The following RPH3A variants were observed in gnomAD, a reference collection of about 807,000 sequenced individuals.
The protein encoded by RPH3A is rabphilin 3A.
RPH3A carries 48 observed loss-of-function variants against 102.2 expected under a neutral mutation model. The ratio of observed to expected loss-of-function variants is 0.47; its 90% CI spans 0.37 to 0.60. RPH3A has a LOEUF of 0.60. Ranked by LOEUF, RPH3A falls within the 20% of genes least tolerant of loss-of-function variation. The pLI is 0.00. For synonymous variants in RPH3A, 310 were observed against 324.3 expected (o/e 0.96, Z 0.47); for missense variants, 781 against 910.1 (o/e 0.86, Z 1.83).
chr12:112,884,936 CT>C (rs1339013140), intron 16 of RPH3A, among the ~76,000 whole-genome samples: 2 of 152,074 alleles, frequency 1.3e-5, no homozygotes, highest in East Asian at 3.8e-4. Flanking sequence ...TTAATTTTGT[CT>C]GTTTTTGTAC....
At chr12:112,837,017 T>C (rs940672130) in intron 4 of RPH3A, among the ~76,000 whole-genome samples, 1 of 152,250 alleles carries the variant, frequency 6.6e-6, no homozygotes, top group African/African-American at 2.4e-5. Flanking sequence ...TCACAACTTT[T>C]GTGTTTTTAA....
chr12:112,727,503 C>G (rs1267191131), intron 1 of RPH3A, among the ~76,000 whole-genome samples: 3 of 92,276 alleles, frequency 3.3e-5, no homozygotes, highest in Non-Finnish European at 6.3e-5. Context: ...ACCCCCCCCC[C>G]CCACACACAT....
chr12:112,586,177 C>A (rs1208588441), intron 1 of RPH3A, among the ~76,000 whole-genome samples: 4 of 152,156 alleles, frequency 2.6e-5, no homozygotes, highest in Non-Finnish European at 5.9e-5. Context: ...CTGTGCTGTG[C>A]CCTCCACGCT....
rs145435444 is a variant in RPH3A, at chr12:112,889,974, A to T, written c.1564-50A>T. On this transcript the variant is annotated intron_variant, in intron 17 of 21. Coordinates refer to ENST00000389385, the MANE Select transcript of RPH3A (RefSeq NM_001143854.2). ...GGTTTCTGGTCCTTCTTGCGCAGGA[A>T]GATGAGCTCCATAGACAATGTTATC... 296 of 1,555,436 alleles carry T rather than the reference A, an allele frequency of 1.9e-4. No homozygotes were observed. The African/African-American group carries it at 3.1e-3, about 16-fold the overall frequency.
At chr12:112,734,425 G>A (rs2040654396) in intron 1 of RPH3A, among the ~76,000 whole-genome samples, 1 of 152,150 alleles carries the variant, frequency 6.6e-6, no homozygotes, top group Admixed American at 6.5e-5. Context: ...CCATCATTAC[G>A]TGACGTGTGA....
intron 1 of RPH3A, among the ~76,000 whole-genome samples, chr12:112,691,520 T>C (rs1361859580): frequency 2.0e-5 from 3 of 152,232 alleles, no homozygotes; most frequent in Non-Finnish European, 4.4e-5. Flanking sequence ...ACAGTACCCT[T>C]TTGGTGAACA....
intron 1 of RPH3A, among the ~76,000 whole-genome samples, chr12:112,630,571 C>G (rs989312517): frequency 6.6e-6 from 1 of 152,160 alleles, no homozygotes; most frequent in African/African-American, 2.4e-5. Flanking sequence ...GGCAGAGCCT[C>G]CTGGGGAAAG....
intron 1 of RPH3A, among the ~76,000 whole-genome samples, chr12:112,637,918 T>A (rs1358343835): frequency 6.6e-6 from 1 of 151,576 alleles, no homozygotes; most frequent in Non-Finnish European, 1.5e-5. Flanking sequence ...TACCATAATA[T>A]TTCCTGGGCA....
intron 2 of RPH3A, among the ~76,000 whole-genome samples, chr12:112,808,107 C>T (rs1174289954): frequency 6.6e-6 from 1 of 152,134 alleles, no homozygotes; most frequent in African/African-American, 2.4e-5. Flanking sequence ...AAACCTTACC[C>T]TCTCCCCAGA....
chr12:112,773,491 AG>A (rs1565876409), intron 1 of RPH3A, among the ~76,000 whole-genome samples: 1 of 152,156 alleles, frequency 6.6e-6, no homozygotes, highest in South Asian at 2.1e-4. Context: ...TAAAAAAATA[AG>A]TATAGGCTGA....
chr12:112,830,314 A>T (rs968664521), intron 3 of RPH3A, among the ~76,000 whole-genome samples: 1 of 152,100 alleles, frequency 6.6e-6, no homozygotes, highest in African/African-American at 2.4e-5. Flanking sequence ...ATATTTAAAA[A>T]TTTCTAGATG....
At chr12:112,771,011 TAC>T (rs2136072341) in intron 1 of RPH3A, among the ~76,000 whole-genome samples, 1 of 152,336 alleles carries the variant, frequency 6.6e-6, no homozygotes, top group Admixed American at 6.5e-5. Flanking sequence ...ATTATGCATA[TAC>T]ACACAGACAG....
intron 1 of RPH3A, among the ~76,000 whole-genome samples, chr12:112,737,716 G>A (rs2040679454): frequency 6.6e-6 from 1 of 152,130 alleles, no homozygotes; most frequent in Admixed American, 6.5e-5. Flanking sequence ...AGTACTGGGG[G>A]AAGGTGCATA....
Position 112,873,962 on chromosome 12 carries a change from C to A in RPH3A, c.797-1122C>A, listed in dbSNP as rs2042749768. The A allele has an allele frequency of 2.6e-5, 4 of 152,178 alleles. No individual in the cohort carries two copies. The South Asian group carries it at 8.3e-4, about 32-fold the overall frequency. The allele number at this position is 152,178 out of a possible 1,614,324, so 9.4% of individuals were successfully genotyped here. On this transcript the variant is annotated intron_variant, in intron 10 of 21. Transcript: ENST00000389385. ...ACCCACTGGATGCTTGTTGAATGAA[C>A]AAATGAATGAATGGACAAATGAACA...
chr12:112,757,912 A>G (rs1396090859), intron 1 of RPH3A, among the ~76,000 whole-genome samples: 5 of 152,192 alleles, frequency 3.3e-5, no homozygotes, highest in African/African-American at 1.2e-4. Flanking sequence ...CTTTCTGGCC[A>G]GAGTGAGCTA....
intron 16 of RPH3A, among the ~76,000 whole-genome samples, chr12:112,884,959 G>T (rs2042980452): frequency 6.6e-6 from 1 of 152,138 alleles, no homozygotes; most frequent in Admixed American, 6.6e-5. Flanking sequence ...TTATATAAAT[G>T]AAATTTTATT....
At chr12:112,810,879 G>T (rs369584728) in intron 2 of RPH3A, among the ~76,000 whole-genome samples, 7 of 151,842 alleles carry the variant, frequency 4.6e-5, no homozygotes, top group African/African-American at 1.5e-4. Context: ...GCATACATTT[G>T]TATATTGTAT....
chr12:112,655,563 C>CTTTTTTTTTT lies in RPH3A; in HGVS notation c.-140+80262_-140+80271dup, dbSNP rs71086113. On this transcript the variant is annotated intron_variant, in intron 1 of 21. Transcript: ENST00000543106. ...GGGCCCATCTCGAATTTTTGTTGGT[C>CTTTTTTTTTT]TTTTTTTTTTTTTTTTTTTTTTTTT... 9.0e-5 allele frequency among the ~76,000 whole-genome samples: 5 copies of CTTTTTTTTTT among 55,586 alleles called. 1 individual carries two copies. Among genetic ancestry groups the CTTTTTTTTTT allele is most frequent in the Admixed American group, 2.5e-4 (1 of 4,028 alleles). 36.5% of individuals were successfully genotyped at this position (55,586 alleles called of 152,430 possible).
chr12:112,758,332 T>C (rs1035205238), intron 1 of RPH3A, among the ~76,000 whole-genome samples: 1 of 152,228 alleles, frequency 6.6e-6, no homozygotes, highest in African/African-American at 2.4e-5. Flanking sequence ...CATTCCCCAA[T>C]ACAGTGTCAG....
Sources: gnomAD v4.1 joint callset for allele counts (sites outside exome capture counted in the v4.1 genomes callset) on GRCh38, gnomAD v4.1.1 for gene constraint, MANE v1.5 for transcripts, NCBI Gene and HGNC (gene_info 2026-07-23, HGNC 2026-07-21) for gene names.